Variants in STXBP5L observed in about 807,000 individuals in gnomAD.
The protein encoded by STXBP5L is syntaxin-binding protein 5-like.
Under a neutral mutation model 144.5 loss-of-function variants are expected in STXBP5L, and 65 were observed. The observed-to-expected ratio is 0.45, with a 90% CI of 0.37 to 0.55. The LOEUF (loss-of-function observed/expected upper bound fraction) is 0.55, where lower values mean the gene tolerates loss of function less well. Among genes scored for constraint, STXBP5L ranks in the 20% least tolerant of loss-of-function variants. The pLI, the probability that STXBP5L is intolerant of heterozygous loss-of-function variation, is 0.00. For missense variants in STXBP5L, 1,298 were observed against 1,405.5 expected, an observed-to-expected ratio of 0.92 and a Z score of 1.22; for synonymous variants, 505 against 469.6, an observed-to-expected ratio of 1.08 and a Z score of -0.97.
rs547968676 is a variant in STXBP5L, at chr3:121,282,208, CT to C, written c.2110+2260del. On this transcript the variant is annotated intron_variant, in intron 19 of 26. Coordinates refer to ENST00000471454, the MANE Select transcript of STXBP5L (RefSeq NM_001308330.2). ...TGATATCACTTCCTTTCACTTTAGA[CT>C]TTTTTTTCTCTTTCTTCTGCCTGCT... 427 of 1,549,264 alleles carry C rather than the reference CT, an allele frequency of 2.8e-4. 1 individual carries two copies. The African/African-American group carries it at 5.0e-3, about 18-fold the overall frequency.
At chr3:121,112,993 T>C (rs2044063421) in intron 5 of STXBP5L, among the ~76,000 whole-genome samples, 2 of 152,088 alleles carry the variant, frequency 1.3e-5, no homozygotes, top group Admixed American at 1.3e-4. Flanking sequence ...AACCTGAAAA[T>C]CTTTATCTAG....
At chr3:121,258,978 T>C (rs934954889) in intron 17 of STXBP5L, 65 bp from the exon 18 acceptor site, 3 of 1,420,040 alleles carry the variant, frequency 2.1e-6, no homozygotes, top group African/African-American at 2.9e-5. Context: ...CTATGTAAAT[T>C]CTCAAGATAA....
intron 22 of STXBP5L, among the ~76,000 whole-genome samples, chr3:121,403,119 G>A (rs996018615): frequency 3.9e-5 from 6 of 152,090 alleles, no homozygotes; most frequent in African/African-American, 1.4e-4. Flanking sequence ...AACTTCAACA[G>A]CTATCATCAC....
chr3:121,338,113 C>T (rs1297770070), intron 20 of STXBP5L, among the ~76,000 whole-genome samples: 1 of 152,008 alleles, frequency 6.6e-6, no homozygotes, highest in African/African-American at 2.4e-5. Flanking sequence ...TGAAATGAAA[C>T]AAATTGGCAA....
intron 3 of STXBP5L, among the ~76,000 whole-genome samples, chr3:120,989,746 G>C (rs180687001): frequency 1.1e-3 from 166 of 152,170 alleles, no homozygotes; most frequent in African/African-American, 3.9e-3. Context: ...ATGTCCCACT[G>C]GTGAATTGAT....
intron 20 of STXBP5L, among the ~76,000 whole-genome samples, chr3:121,348,329 G>A (rs1264350839): frequency 1.3e-5 from 2 of 151,986 alleles, no homozygotes; most frequent in Non-Finnish European, 2.9e-5. Context: ...GGTGGATAAG[G>A]GTTTTGATGT....
intron 22 of STXBP5L, among the ~76,000 whole-genome samples, chr3:121,397,516 G>C (rs142928707): frequency 3.2e-4 from 49 of 152,248 alleles, no homozygotes; most frequent in African/African-American, 9.6e-4. Context: ...TCATTTTAAA[G>C]GTATAGGTTC....
chr3:121,355,756 G>A (rs965167089), intron 20 of STXBP5L, among the ~76,000 whole-genome samples: 2 of 152,148 alleles, frequency 1.3e-5, no homozygotes, highest in Non-Finnish European at 2.9e-5. Context: ...ATCCTTGGGA[G>A]GAGAAGAGGC....
At chr3:121,254,340 C>T (rs2050137959) in intron 15 of STXBP5L, among the ~76,000 whole-genome samples, 1 of 152,176 alleles carries the variant, frequency 6.6e-6, no homozygotes, top group Non-Finnish European at 1.5e-5. Context: ...CACAGAGCCA[C>T]TCAGAAAAGA....
chr3:121,202,606 GTTT>G (rs199504531), intron 9 of STXBP5L, among the ~76,000 whole-genome samples: 2,149 of 152,020 alleles, frequency 0.014, 52 homozygotes, highest in African/African-American at 0.048. Flanking sequence ...AATTCTCTCA[GTTT>G]TTGTTTATCT....
intron 5 of STXBP5L, among the ~76,000 whole-genome samples, chr3:121,112,545 T>C (rs976914687): frequency 1.3e-5 from 2 of 151,816 alleles, no homozygotes; most frequent in African/African-American, 4.8e-5. Context: ...TTTTCGTTCT[T>C]CTCTCGCCGT....
chr3:121,347,825 T>C (rs1270021348), intron 20 of STXBP5L, among the ~76,000 whole-genome samples: 1 of 152,238 alleles, frequency 6.6e-6, no homozygotes, highest in Non-Finnish European at 1.5e-5. Context: ...GAGACTTTGC[T>C]GAAGTTGCTT....
chr3:120,975,983 A>T (rs1940946401), intron 3 of STXBP5L, among the ~76,000 whole-genome samples: 1 of 151,340 alleles, frequency 6.6e-6, no homozygotes, highest in Admixed American at 6.7e-5. Flanking sequence ...AATGTTCATC[A>T]AGGATATTGG....
At chr3:121,180,836 G>A (rs1244442024) in intron 9 of STXBP5L, among the ~76,000 whole-genome samples, 1 of 152,050 alleles carries the variant, frequency 6.6e-6, no homozygotes, top group Non-Finnish European at 1.5e-5. Flanking sequence ...TCGTGCCATT[G>A]CACTCCAGCC....
chr3:120,961,198 T>G (rs1242567487), intron 3 of STXBP5L, among the ~76,000 whole-genome samples: 1 of 34,476 alleles, frequency 2.9e-5, no homozygotes, highest in African/African-American at 1.4e-4. Context: ...TTTTATTTAG[T>G]TTTTTTTTTC....
intron 19 of STXBP5L, among the ~76,000 whole-genome samples, chr3:121,312,091 GA>G (rs1238893574): frequency 3.9e-5 from 6 of 152,286 alleles, no homozygotes; most frequent in Non-Finnish European, 5.9e-5. Flanking sequence ...AAGCAATGGG[GA>G]AAGGATTCCC....
chr3:121,054,467 A>G (rs1186758460), intron 5 of STXBP5L, among the ~76,000 whole-genome samples: 1 of 151,724 alleles, frequency 6.6e-6, no homozygotes, highest in Non-Finnish European at 1.5e-5. Flanking sequence ...GGAAACCATC[A>G]TCTCAGCAAA....
intron 20 of STXBP5L, among the ~76,000 whole-genome samples, chr3:121,337,157 T>C (rs1430493584): frequency 1.3e-5 from 2 of 152,042 alleles, no homozygotes; most frequent in Admixed American, 6.6e-5. Flanking sequence ...CCAGGCTTAG[T>C]ACCTGGGTGA....
chr3:121,029,788 A>G (rs779429170), intron 3 of STXBP5L, among the ~76,000 whole-genome samples: 1 of 152,148 alleles, frequency 6.6e-6, no homozygotes, highest in Non-Finnish European at 1.5e-5. Flanking sequence ...TCCATCTGAC[A>G]AAAGACTAAT....
Sources: gnomAD v4.1 joint callset for allele counts (sites outside exome capture counted in the v4.1 genomes callset) on GRCh38, gnomAD v4.1.1 for gene constraint, MANE v1.5 for transcripts, NCBI Gene and HGNC (gene_info 2026-07-23, HGNC 2026-07-21) for gene names.